ARHGAP18: variants seen among roughly 807,000 people sequenced by gnomAD.
ARHGAP18 encodes the protein Rho GTPase activating protein 18, also known as rho GTPase-activating protein 18.
Under a neutral mutation model 86.2 loss-of-function variants are expected in ARHGAP18, and 67 were observed. The ratio of observed to expected loss-of-function variants is 0.78; its 90% CI spans 0.64 to 0.95. The LOEUF (loss-of-function observed/expected upper bound fraction) is 0.95. Ranked by LOEUF, ARHGAP18 falls within the 40% of genes least tolerant of loss-of-function variation. The probability of loss-of-function intolerance (pLI) is 0.00; values close to 1 mark genes in which losing one functional copy is unlikely to be tolerated. For missense variants in ARHGAP18, 691 were observed against 780.4 expected, an observed-to-expected ratio of 0.89 and a Z score of 1.37; for synonymous variants, 283 against 280.4, an observed-to-expected ratio of 1.01 and a Z score of -0.09.
chr6:129,618,364 A>G (rs1789139576), intron 6 of ARHGAP18, among the ~76,000 whole-genome samples: 1 of 152,232 alleles, frequency 6.6e-6, no homozygotes, highest in Admixed American at 6.5e-5. Flanking sequence ...AAATAAATAA[A>G]TATGTGTACC....
intron 1 of ARHGAP18, among the ~76,000 whole-genome samples, chr6:129,688,831 A>G (rs556298650): frequency 6.0e-4 from 92 of 152,202 alleles, no homozygotes; most frequent in Non-Finnish European, 1.1e-3. Context: ...TAGCTACTAC[A>G]CTGGCTAATG....
Position 129,611,528 on chromosome 6 carries a change from A to G in ARHGAP18, c.1122+5T>C. ...ATGTTTACATTAGTAGAACCCAGAGATTACCTTGATTCTAATGGCAGCTCC... is the reference window on the plus strand; with the variant it reads ...ATGTTTACATTAGTAGAACCCAGAGGTTACCTTGATTCTAATGGCAGCTCC... On this transcript the variant is annotated splice_donor_5th_base_variant and intron_variant, in intron 8 of 14. Transcript: ENST00000368149. 6.2e-7 allele frequency: 1 copy of G among 1,613,058 alleles called. No homozygotes were observed. Among genetic ancestry groups the G allele is most frequent in the Non-Finnish European group, 8.5e-7 (1 of 1,179,188 alleles).
rs1774879523 is a variant in ARHGAP18, at chr6:129,710,031, T to C, written c.106A>G (p.Thr36Ala). 2.5e-6 allele frequency: 4 copies of C among 1,613,510 alleles called. No homozygotes were observed. The highest frequency in any genetic ancestry group is 2.7e-5 in the African/African-American group (2 of 74,928). ...CAGCTTCCGAAGGCTTACCTCGAGGTGGCTTCCTCCCCTGCCTTTGCATGG... is the reference window on the plus strand; with the variant it reads ...CAGCTTCCGAAGGCTTACCTCGAGGCGGCTTCCTCCCCTGCCTTTGCATGG... ...NSHAKAGEEATSSRRYGQYTM... is the reference protein window; with the variant it reads ...NSHAKAGEEAASSRRYGQYTM... Residue 36 changes from threonine to alanine, a missense_variant, in exon 1 of 15, where the codon ACC becomes GCC. Coordinates refer to ENST00000368149, the MANE Select transcript of ARHGAP18 (RefSeq NM_033515.3).
chr6:129,628,790 G>A (rs1437046887), intron 5 of ARHGAP18, among the ~76,000 whole-genome samples: 1 of 152,132 alleles, frequency 6.6e-6, no homozygotes, highest in African/African-American at 2.4e-5. Flanking sequence ...AACAAATACA[G>A]TATATGACTC....
chr6:129,706,235 A>G (rs1774800034), intron 1 of ARHGAP18, among the ~76,000 whole-genome samples: 1 of 152,236 alleles, frequency 6.6e-6, no homozygotes, highest in Admixed American at 6.5e-5. Context: ...TTCTTTTCAA[A>G]ACTAAATATT....
chr6:129,621,603 C>T (rs1789230517), intron 5 of ARHGAP18, among the ~76,000 whole-genome samples: 2 of 152,156 alleles, frequency 1.3e-5, no homozygotes, highest in Non-Finnish European at 1.5e-5. Flanking sequence ...AGAATGAGAA[C>T]AACTGAACCT....
chr6:129,605,902 G>A lies in ARHGAP18; in HGVS notation c.1340C>T (p.Pro447Leu). The change falls in exon 10 of 15, where the codon CCT (proline) becomes CTT (leucine). Residue 447 changes from proline (P) to leucine (L), a missense_variant. Physicochemically the swap from Pro to Leu is moderately conservative, Grantham distance 98. Coordinates refer to ENST00000368149, the MANE Select transcript of ARHGAP18 (RefSeq NM_033515.3). ...QALNLLVILL[P>L]DANRDTLKAL... The stretch of plus-strand genomic sequence containing the variant: ...CTTCAGTGTGTCCCTGTTTGCATCA[G>A]GTAGGAGGATGACAAGAAGGTTCAA... The A allele has an allele frequency of 6.2e-7, 1 of 1,613,512 alleles. No homozygotes were observed. Among genetic ancestry groups the A allele is most frequent in the Non-Finnish European group, 8.5e-7 (1 of 1,179,584 alleles).
At chr6:129,671,465 A>G (rs1774139337) in intron 1 of ARHGAP18, among the ~76,000 whole-genome samples, 1 of 152,174 alleles carries the variant, frequency 6.6e-6, no homozygotes, top group Non-Finnish European at 1.5e-5. Flanking sequence ...TTGGGAGGCT[A>G]AAGTGGGAAG....
chr6:129,667,469 A>ATATG (rs1491547375), intron 1 of ARHGAP18, among the ~76,000 whole-genome samples: 14 of 104,240 alleles, frequency 1.3e-4, no homozygotes, highest in South Asian at 3.4e-4. Context: ...AAAAATATAT[A>ATATG]TGTGTGTGTG....
chr6:129,597,544 G>GGTA (rs931338793), intron 12 of ARHGAP18, among the ~76,000 whole-genome samples: 1 of 151,916 alleles, frequency 6.6e-6, no homozygotes, highest in African/African-American at 2.4e-5. Context: ...TGTAGATTAC[G>GGTA]GTACCCTGGT....
intron 4 of ARHGAP18, among the ~76,000 whole-genome samples, chr6:129,629,742 T>C (rs965895666): frequency 1.3e-5 from 2 of 152,124 alleles, no homozygotes; most frequent in African/African-American, 4.8e-5. Flanking sequence ...CATAGTTCAA[T>C]TGTGCAGTCT....
chr6:129,625,152 T>TG (rs1562696376), intron 5 of ARHGAP18, among the ~76,000 whole-genome samples: 133 of 4,654 alleles, frequency 0.029, 28 homozygotes, highest in Admixed American at 0.26. Context: ...TTATATATTA[T>TG]ATAGATATAT....
chr6:129,592,817 T>C (rs1019602624), intron 12 of ARHGAP18, among the ~76,000 whole-genome samples: 1 of 152,056 alleles, frequency 6.6e-6, no homozygotes, highest in Non-Finnish European at 1.5e-5. Flanking sequence ...CCTACATTCT[T>C]AGTAGGCAGA....
At chr6:129,700,330 T>C (rs540257044) in intron 1 of ARHGAP18, among the ~76,000 whole-genome samples, 13 of 152,332 alleles carry the variant, frequency 8.5e-5, no homozygotes, top group Admixed American at 5.9e-4. Context: ...TTCCATCTTA[T>C]TAAGAGTAAC....
chr6:129,619,013 T>G (rs996632874), intron 5 of ARHGAP18, among the ~76,000 whole-genome samples, 161 bp from the exon 6 acceptor site: 1 of 151,644 alleles, frequency 6.6e-6, no homozygotes, highest in Non-Finnish European at 1.5e-5. Flanking sequence ...CCTGTCATGA[T>G]GACGACCCCT....
At chr6:129,708,172 C>T (rs1046434208) in intron 1 of ARHGAP18, among the ~76,000 whole-genome samples, 1 of 152,224 alleles carries the variant, frequency 6.6e-6, no homozygotes, top group Non-Finnish European at 1.5e-5. Context: ...CCTACTCCCT[C>T]CTTCCTCCCT....
At position 129,578,617 on chromosome 6, in the gene ARHGAP18, ATGT is replaced by A. The variant is rs767210480; in HGVS notation, c.1901-16_1901-14del. On this transcript the variant is annotated splice_polypyrimidine_tract_variant and intron_variant, in intron 14 of 14. Transcript: ENST00000368149. ...AGGCAGCGTTCCCCTGTTAAAATAG[ATGT>A]TGTGTCAGTTTAATACAGCAGGTAG... 145 of 1,600,080 alleles carry A rather than the reference ATGT, an allele frequency of 9.1e-5. 1 individual carries two copies. In the South Asian group the frequency reaches 1.1e-3, roughly 12 times the overall value.
intron 8 of ARHGAP18, among the ~76,000 whole-genome samples, chr6:129,610,948 G>A (rs1338244083): frequency 1.3e-5 from 2 of 152,080 alleles, no homozygotes; most frequent in Non-Finnish European, 2.9e-5. Flanking sequence ...CCAGGCTGGA[G>A]TGCAGTGGGA....
rs140069506 is a variant in ARHGAP18 at position 129,634,048 on chromosome 6, T to G, written c.610A>C (p.Arg204=). 235 of 1,611,754 alleles carry G rather than the reference T, an allele frequency of 1.5e-4. No individual in the cohort carries two copies. In the African/African-American group the frequency reaches 2.6e-3, roughly 18 times the overall value. Residue 204 remains arginine (R), a synonymous_variant, in exon 4 of 15, where the codon AGA becomes CGA. Coordinates refer to ENST00000368149, the MANE Select transcript of ARHGAP18 (RefSeq NM_033515.3). ...GAGAACAGGTTCAACATACCATCTC[T>G]TCCTTGGTATTTGTTTTCATTTGTT... is the stretch of plus-strand genomic sequence containing the variant. ...LRTNENKYQG[R]DDEASNLVGE...
Sources: gnomAD v4.1 joint callset for allele counts (sites outside exome capture counted in the v4.1 genomes callset) on GRCh38, gnomAD v4.1.1 for gene constraint, MANE v1.5 for transcripts, NCBI Gene and HGNC (gene_info 2026-07-23, HGNC 2026-07-21) for gene names.